Variants in RABGAP1 observed in about 807,000 individuals in gnomAD.
RABGAP1 encodes the protein RAB GTPase activating protein 1.
A neutral mutation model predicts 137.6 loss-of-function variants in RABGAP1; 23 were observed. That is an observed-to-expected ratio of 0.17 (90% CI 0.12 to 0.24). The LOEUF (loss-of-function observed/expected upper bound fraction) is 0.24. Among genes scored for constraint, RABGAP1 ranks in the 10% least tolerant of loss-of-function variants. RABGAP1 has a pLI of 1.00. For synonymous variants in RABGAP1, 451 were observed against 450.7 expected (o/e 1.00, Z -0.01); for missense variants, 906 against 1,275.8 (o/e 0.71, Z 4.42).
At chr9:123,038,565 A>G (rs1307724526) in intron 13 of RABGAP1, among the ~76,000 whole-genome samples, 1 of 152,078 alleles carries the variant, frequency 6.6e-6, no homozygotes, top group Admixed American at 6.5e-5. Context: ...TTTGTTTCAT[A>G]GTTGTTGGTG....
chr9:123,056,939 A>C (rs984388887), intron 13 of RABGAP1, among the ~76,000 whole-genome samples: 5 of 152,194 alleles, frequency 3.3e-5, no homozygotes, highest in African/African-American at 9.7e-5. Context: ...CCCCTTTTCT[A>C]TTCCACAAAA....
upstream of RABGAP1, chr9:122,939,621 G>A (rs552111901): frequency 2.0e-5 from 3 of 152,126 alleles, no homozygotes; most frequent in Non-Finnish European, 2.9e-5. Flanking sequence ...AATATTTGGG[G>A]TGTCCATGAA....
chr9:123,094,280 GGTTAGA>G (rs1327372164), intron 21 of RABGAP1, among the ~76,000 whole-genome samples: 4 of 152,152 alleles, frequency 2.6e-5, no homozygotes, highest in Admixed American at 6.5e-5. Flanking sequence ...GATGCTGAAT[GGTTAGA>G]GTGGACATCA....
intron 13 of RABGAP1, among the ~76,000 whole-genome samples, chr9:123,043,631 T>G (rs978433423): frequency 2.3e-4 from 35 of 150,050 alleles, no homozygotes; most frequent in African/African-American, 8.4e-4. Flanking sequence ...AGGGAAGTGT[T>G]TGGGGGGTGA....
intron 2 of RABGAP1, among the ~76,000 whole-genome samples, chr9:122,968,082 G>A (rs773353236): frequency 6.6e-6 from 1 of 151,740 alleles, no homozygotes; most frequent in African/African-American, 2.4e-5. Context: ...ATATTTATGC[G>A]TTAATGTGTA....
intron 11 of RABGAP1, among the ~76,000 whole-genome samples, chr9:123,014,095 G>C (rs1424713404): frequency 6.6e-6 from 1 of 152,196 alleles, no homozygotes; most frequent in African/African-American, 2.4e-5. Context: ...TGAAAGCAAT[G>C]AGATATATTC....
At chr9:123,081,980 A>G (rs1241346534) in intron 19 of RABGAP1, among the ~76,000 whole-genome samples, 2 of 151,922 alleles carry the variant, frequency 1.3e-5, no homozygotes, top group Non-Finnish European at 2.9e-5. Context: ...CAAAGGTTCA[A>G]GAATTAAATT....
the RABGAP1 span, among the ~76,000 whole-genome samples, chr9:122,934,161 TC>T: frequency 0.11 from 15,979 of 150,184 alleles, 2,733 homozygotes; most frequent in African/African-American, 0.37. Context: ...CACTGCAAGC[TC>T]CGCCTCCCGG....
intron 13 of RABGAP1, chr9:123,029,779 A>G: frequency 1.7e-6 from 1 of 573,480 alleles, no homozygotes; most frequent in South Asian, 1.5e-5. Flanking sequence ...GCAGTGGCGA[A>G]CACTGCAGCC....
rs377423248 is a variant in RABGAP1 at position 123,030,950 on chromosome 9, CT to C, written c.1794+10501del. 3.5e-3 allele frequency among the ~76,000 whole-genome samples: 516 copies of C among 148,760 alleles called. 4 individuals carry two copies. Among genetic ancestry groups the C allele is most frequent in the Middle Eastern group, 0.021 (6 of 292 alleles). On this transcript the variant is annotated intron_variant, in intron 13 of 25. Transcript: ENST00000373647. ...GATTCAGTTAAATGTGGCTATTAGT[CT>C]TTTTTTTTTAAAGTTTCTTAAATGA... is the stretch of plus-strand genomic sequence containing the variant.
intron 21 of RABGAP1, among the ~76,000 whole-genome samples, chr9:123,092,028 A>G (rs979231883): frequency 5.3e-5 from 8 of 152,182 alleles, no homozygotes; most frequent in African/African-American, 1.7e-4. Context: ...TGGGTCATGC[A>G]GAAAGGAGGA....
intron 11 of RABGAP1, among the ~76,000 whole-genome samples, chr9:123,012,703 G>A (rs1250250679): frequency 6.6e-6 from 1 of 152,156 alleles, no homozygotes; most frequent in East Asian, 1.9e-4. Flanking sequence ...TTTGCCTCAT[G>A]TTGTTCCCTA....
intron 2 of RABGAP1, among the ~76,000 whole-genome samples, chr9:122,957,968 C>T (rs1286142195): frequency 6.6e-6 from 1 of 151,724 alleles, no homozygotes; most frequent in East Asian, 1.9e-4. Context: ...TCTCCCCTCT[C>T]CCTGGCAGGT....
At chr9:123,073,980 G>A (rs529804465) in intron 16 of RABGAP1, among the ~76,000 whole-genome samples, 23 of 152,220 alleles carry the variant, frequency 1.5e-4, no homozygotes, top group Admixed American at 1.2e-3. Flanking sequence ...GACTGGTTAG[G>A]AATCTCATAA....
At chr9:122,975,721 G>A (rs189016905) in intron 2 of RABGAP1, among the ~76,000 whole-genome samples, 1 of 152,170 alleles carries the variant, frequency 6.6e-6, no homozygotes, top group East Asian at 1.9e-4. Context: ...AGGTACTGTG[G>A]TGTGAGAGTT....
chr9:122,972,926 A>G (rs1331603255), intron 2 of RABGAP1, among the ~76,000 whole-genome samples: 2 of 151,734 alleles, frequency 1.3e-5, no homozygotes, highest in African/African-American at 4.8e-5. Context: ...GGTTGAGCTC[A>G]GGAGTTGAGA....
intron 19 of RABGAP1, among the ~76,000 whole-genome samples, chr9:123,078,066 A>C (rs2034577993): frequency 6.6e-6 from 1 of 152,210 alleles, no homozygotes; most frequent in African/African-American, 2.4e-5. Context: ...TAGGGGTTTA[A>C]TGCTCACACA....
intron 2 of RABGAP1, among the ~76,000 whole-genome samples, chr9:122,982,934 ATCTCGGGTCACTGCAGCC>A (rs1836157809): frequency 1.3e-5 from 2 of 152,042 alleles, no homozygotes; most frequent in South Asian, 4.1e-4. Context: ...CAGTGGCGTG[ATCTCGGGTCACTGCAGCC>A]TCAACTTCTG....
intron 2 of RABGAP1, among the ~76,000 whole-genome samples, chr9:122,962,777 A>G (rs1219812091): frequency 6.6e-6 from 1 of 152,196 alleles, no homozygotes; most frequent in African/African-American, 2.4e-5. Flanking sequence ...AGTGTAATCA[A>G]AAGGGGAGAT....
Sources: allele counts gnomAD v4.1 joint callset (sites outside exome capture counted in the v4.1 genomes callset), GRCh38; gene constraint gnomAD v4.1.1; transcripts MANE v1.5; gene names NCBI Gene and HGNC (gene_info 2026-07-23, HGNC 2026-07-21).